PLCG2: variants seen among roughly 807,000 people sequenced by gnomAD.
The protein encoded by PLCG2 is 1-phosphatidylinositol 4,5-bisphosphate phosphodiesterase gamma-2.
In PLCG2, 69 loss-of-function variants were observed where a neutral mutation model predicts 175.6. The observed-to-expected ratio is 0.39, with a 90% CI of 0.32 to 0.48. The LOEUF (loss-of-function observed/expected upper bound fraction) is 0.48, where lower values mean the gene tolerates loss of function less well. Among genes scored for constraint, PLCG2 ranks in the 20% least tolerant of loss-of-function variants. The probability of loss-of-function intolerance (pLI) is 0.91; values close to 1 mark genes in which losing one functional copy is unlikely to be tolerated. For missense variants in PLCG2, 1,798 were observed against 1,650.9 expected, an observed-to-expected ratio of 1.09 and a Z score of -1.54; for synonymous variants, 827 against 624.0, an observed-to-expected ratio of 1.33 and a Z score of -4.85.
intron 15 of PLCG2, chr16:81,906,484 G>A (rs1909376011): frequency 6.6e-6 from 1 of 152,132 alleles, no homozygotes; most frequent in Non-Finnish European, 1.5e-5. Context: ...GAGTGTGGTG[G>A]TACGATCTTA....
At position 81,900,293 on chromosome 16, in the gene PLCG2, G is replaced by A. The variant is rs553088140; in HGVS notation, c.1194-319G>A. Among the ~76,000 whole-genome samples the A allele has an allele frequency of 1.3e-4, 20 of 152,192 alleles. No homozygotes were observed. In the South Asian group the frequency reaches 2.5e-3, roughly 19 times the overall value. ...TGCTGTCTGTTCATCTTTTCTGTAG[G>A]TTTGAACTTGAAAAAAAGATTAGAG... is the stretch of plus-strand genomic sequence containing the variant. On this transcript the variant is annotated intron_variant, in intron 13 of 32. Coordinates refer to ENST00000564138, the MANE Select transcript of PLCG2 (RefSeq NM_002661.5).
At chr16:81,870,827 G>C (rs761720138) in intron 6 of PLCG2, 25 bp from the exon 7 acceptor site, 4 of 1,312,716 alleles carry the variant, frequency 3.0e-6, no homozygotes, top group Admixed American at 4.3e-5. Flanking sequence ...CAAAAATCAT[G>C]TGGTCACTTT....
intron 2 of PLCG2, among the ~76,000 whole-genome samples, chr16:81,761,331 C>A (rs1243333916): frequency 2.0e-5 from 3 of 152,168 alleles, no homozygotes; most frequent in African/African-American, 7.2e-5. Flanking sequence ...AGCCGCTACA[C>A]TCCAGCCTGG....
chr16:81,881,017 C>G, intron 8 of PLCG2, 64 bp downstream of exon 8: 5 of 1,522,840 alleles, frequency 3.3e-6, no homozygotes, highest in Non-Finnish European at 4.6e-6. Flanking sequence ...GGTGCCCAGC[C>G]GGCCTCCAGG....
intron 27 of PLCG2, chr16:81,937,417 A>G (rs1910760779): frequency 5.6e-6 from 1 of 178,408 alleles, no homozygotes; most frequent in Admixed American, 6.0e-5. Flanking sequence ...TATTTATAGC[A>G]TAGATGTATC....
intron 2 of PLCG2, among the ~76,000 whole-genome samples, chr16:81,762,582 G>A (rs1463057377): frequency 6.6e-6 from 1 of 151,140 alleles, no homozygotes; most frequent in Non-Finnish European, 1.5e-5. Context: ...AAAAAAAAAA[G>A]TGTATAAAAT....
intron 2 of PLCG2, among the ~76,000 whole-genome samples, chr16:81,768,634 C>T (rs1259642545): frequency 7.1e-6 from 1 of 141,716 alleles, no homozygotes; most frequent in East Asian, 2.2e-4. Flanking sequence ...GGTGCGATCT[C>T]AGCTCACTGC....
intron 19 of PLCG2, 31 bp downstream of exon 19, chr16:81,912,747 A>G: frequency 6.4e-7 from 1 of 1,558,138 alleles, no homozygotes; most frequent in Non-Finnish European, 8.7e-7. Context: ...CACATGCTCT[A>G]CAGAGGGGCT....
chr16:81,752,137 G>T (rs951791526), intron 1 of PLCG2, among the ~76,000 whole-genome samples: 4 of 152,186 alleles, frequency 2.6e-5, no homozygotes, highest in Admixed American at 6.5e-5. Flanking sequence ...TATGAACTAT[G>T]AGCCTGCTGA....
intron 2 of PLCG2, among the ~76,000 whole-genome samples, chr16:81,803,933 T>G (rs1477221461): frequency 1.3e-5 from 2 of 152,154 alleles, no homozygotes; most frequent in Non-Finnish European, 2.9e-5. Flanking sequence ...CCACCTGCCT[T>G]GCCTCCCAGA....
chr16:81,915,044 G>T (rs1909785831), intron 19 of PLCG2, among the ~76,000 whole-genome samples: 1 of 152,210 alleles, frequency 6.6e-6, no homozygotes, highest in South Asian at 2.1e-4. Context: ...ACCCTCTCTG[G>T]TCAGGGTATG....
At chr16:81,924,556 C>T (rs1054359942) in intron 22 of PLCG2, among the ~76,000 whole-genome samples, 1 of 152,238 alleles carries the variant, frequency 6.6e-6, no homozygotes, top group African/African-American at 2.4e-5. Flanking sequence ...GAGATTTGAA[C>T]CGCCAGGCCT....
chr16:81,939,258 A>C (rs968434807), intron 29 of PLCG2, among the ~76,000 whole-genome samples: 9 of 152,170 alleles, frequency 5.9e-5, no homozygotes, highest in African/African-American at 1.2e-4. Flanking sequence ...GGGTGAACCT[A>C]CGTGGCTGAC....
intron 2 of PLCG2, among the ~76,000 whole-genome samples, chr16:81,829,199 TC>T (rs1287613581): frequency 6.6e-6 from 1 of 152,078 alleles, no homozygotes; most frequent in Non-Finnish European, 1.5e-5. Flanking sequence ...ACCTCTGTCT[TC>T]CGGGTTCAAG....
At chr16:81,815,530 G>A (rs926703925) in intron 2 of PLCG2, among the ~76,000 whole-genome samples, 1 of 152,154 alleles carries the variant, frequency 6.6e-6, no homozygotes, top group African/African-American at 2.4e-5. Flanking sequence ...TCTTCAGCCT[G>A]CCCTGCCTGG....
At position 81,901,929 on chromosome 16, in the gene PLCG2, G is replaced by T. The variant is rs112781068; in HGVS notation, c.1362+1149G>T. On this transcript the variant is annotated intron_variant, in intron 14 of 32. Transcript: ENST00000564138. Reference sequence around the variant, plus strand: ...TATGCATTATTATTCTGAGAAAAGGGTCTGTAGCTTTCCCCAGATTTTGAA... The same window carrying T: ...TATGCATTATTATTCTGAGAAAAGGTTCTGTAGCTTTCCCCAGATTTTGAA... Among the ~76,000 whole-genome samples, 364 of 152,252 alleles carry T rather than the reference G, an allele frequency of 2.4e-3. 3 individuals carry two copies. The highest frequency in any genetic ancestry group is 4.1e-3 in the Non-Finnish European group (280 of 68,018).
At chr16:81,782,169 C>T (rs1030336482) in intron 1 of PLCG2, among the ~76,000 whole-genome samples, 2 of 152,092 alleles carry the variant, frequency 1.3e-5, no homozygotes, top group Non-Finnish European at 2.9e-5. Context: ...AGCCACCGTG[C>T]CTGGCCCATT....
chr16:81,955,353 CTT>C (rs1911526475), intron 31 of PLCG2, among the ~76,000 whole-genome samples: 1 of 152,186 alleles, frequency 6.6e-6, no homozygotes, highest in Non-Finnish European at 1.5e-5. Flanking sequence ...GCACAGGAGT[CTT>C]TCACTTGAAC....
chr16:81,809,843 T>G (rs917254193), intron 2 of PLCG2, among the ~76,000 whole-genome samples: 4 of 123,774 alleles, frequency 3.2e-5, no homozygotes, highest in African/African-American at 3.0e-5. Context: ...GGGGGTGGGG[T>G]CAGAAACCAG....
Sources: allele counts gnomAD v4.1 joint callset (sites outside exome capture counted in the v4.1 genomes callset), GRCh38; gene constraint gnomAD v4.1.1; transcripts MANE v1.5; gene names NCBI Gene and HGNC (gene_info 2026-07-23, HGNC 2026-07-21).